Variants in UGT3A1 observed in about 807,000 individuals in gnomAD.
UGT3A1 encodes UDP glycosyltransferase family 3 member A1.
In UGT3A1, 40 loss-of-function variants were observed where a neutral mutation model predicts 37.6. That is an observed-to-expected ratio of 1.06 (90% CI 0.83 to 1.38). The LOEUF is 1.38. Among genes scored for constraint, UGT3A1 ranks in the 40% most tolerant of loss-of-function variants. UGT3A1 has a pLI of 0.00. For synonymous variants in UGT3A1, 256 were observed against 232.3 expected (o/e 1.10, Z -0.93); for missense variants, 642 against 634.2 (o/e 1.01, Z -0.13).
Position 35,952,698 on chromosome 5 carries a change from T to C in UGT3A1, c.*1504A>G, listed in dbSNP as rs1001384127. On this transcript the variant is annotated 3_prime_UTR_variant, in exon 7 of 7. Coordinates refer to ENST00000274278, the MANE Select transcript of UGT3A1 (RefSeq NM_152404.4). Reference sequence around the variant, plus strand: ...GGGAAGCATCCATGTCTGCCCTTCATGGGAGTATGGCCATCAATCAATTCA... The same window carrying C: ...GGGAAGCATCCATGTCTGCCCTTCACGGGAGTATGGCCATCAATCAATTCA... 6.6e-6 allele frequency: 1 copy of C among 152,192 alleles called. No individual in the cohort carries two copies. The highest frequency in any genetic ancestry group is 1.5e-5 in the Non-Finnish European group (1 of 68,042). The allele number at this position is 152,192 out of a possible 1,614,324, so 9.4% of individuals were successfully genotyped here. A position where few individuals can be genotyped will look rare whatever the true frequency, so the allele number is the denominator to read the frequency against.
Position 35,991,357 on chromosome 5 carries a change from A to G in UGT3A1, c.-117T>C, listed in dbSNP as rs1740946883. 1 of 1,515,510 alleles carries G rather than the reference A, an allele frequency of 6.6e-7. No homozygotes were observed. Among genetic ancestry groups the G allele is most frequent in the Non-Finnish European group, 8.8e-7 (1 of 1,133,908 alleles). 93.9% of individuals were successfully genotyped at this position (1,515,510 alleles called of 1,614,324 possible). ...ACTGGCTGTGGGCCTAGGAAGAGGTAGGAGACGGATCCTGCCAATTCTCTC... is the reference window on the plus strand; with the variant it reads ...ACTGGCTGTGGGCCTAGGAAGAGGTGGGAGACGGATCCTGCCAATTCTCTC... On this transcript the variant is annotated 5_prime_UTR_variant, in exon 1 of 7. Transcript: ENST00000274278.
chr5:35,991,349 G>A lies in UGT3A1; in HGVS notation c.-109C>T. On this transcript the variant is annotated 5_prime_UTR_variant, in exon 1 of 7. Transcript: ENST00000274278. ...CCAAAGGCACTGGCTGTGGGCCTAG[G>A]AAGAGGTAGGAGACGGATCCTGCCA... The A allele has an allele frequency of 6.5e-7, 1 of 1,532,612 alleles. No homozygotes were observed. Among genetic ancestry groups the A allele is most frequent in the Non-Finnish European group, 8.8e-7 (1 of 1,141,874 alleles). 94.9% of individuals were successfully genotyped at this position (1,532,612 alleles called of 1,614,324 possible). A position where few individuals can be genotyped will look rare whatever the true frequency, so the allele number is the denominator to read the frequency against.
At chr5:35,993,381 T>A (rs1393352090), upstream of UGT3A1, among the ~76,000 whole-genome samples, 1 of 151,504 alleles carries the variant, frequency 6.6e-6, no homozygotes, top group East Asian at 2.0e-4. Flanking sequence ...GGAGAATCGC[T>A]GGAACCCAGG....
chr5:35,963,845 A>C (rs1487775000), intron 4 of UGT3A1, among the ~76,000 whole-genome samples: 2 of 152,188 alleles, frequency 1.3e-5, no homozygotes, highest in Admixed American at 6.5e-5. Flanking sequence ...GGTGCTGTGC[A>C]CTGCTCATGC....
At chr5:35,991,618 A>T, upstream of UGT3A1, 1 of 1,013,266 alleles carries the variant, frequency 9.9e-7, no homozygotes. Flanking sequence ...ATCCCCAAGG[A>T]AACCACCTGT....
chr5:35,975,673 T>A (rs1169202143), intron 2 of UGT3A1, among the ~76,000 whole-genome samples: 1 of 152,182 alleles, frequency 6.6e-6, no homozygotes, highest in East Asian at 1.9e-4. Flanking sequence ...TTTTTTTTTT[T>A]ACTTTTTTTC....
At chr5:35,990,801 G>C (rs1344179215) in intron 1 of UGT3A1, among the ~76,000 whole-genome samples, 1 of 152,178 alleles carries the variant, frequency 6.6e-6, no homozygotes, top group Admixed American at 6.5e-5. Context: ...AGCTTAGGGT[G>C]AGCCTCTGAA....
At chr5:35,993,637 G>C (rs551477220), upstream of UGT3A1, among the ~76,000 whole-genome samples, 2 of 152,070 alleles carry the variant, frequency 1.3e-5, no homozygotes, top group Non-Finnish European at 2.9e-5. Flanking sequence ...CCTGGTGCGC[G>C]TCCTTAACTT....
At chr5:35,955,266 G>A (rs1739306295) in intron 6 of UGT3A1, 1 of 365,130 alleles carries the variant, frequency 2.7e-6, no homozygotes, top group Non-Finnish European at 5.0e-6. Context: ...GAGAAGGGAA[G>A]GGTGTTCTAG....
intron 6 of UGT3A1, 95 bp from the exon 7 acceptor site, chr5:35,954,573 C>T: frequency 6.9e-7 from 1 of 1,451,742 alleles, no homozygotes; most frequent in South Asian, 1.3e-5. Context: ...CATACAAACA[C>T]TTTTCTAACA....
chr5:35,999,643 C>G (rs1554075513), intron 1 of UGT3A1, among the ~76,000 whole-genome samples: 1 of 151,992 alleles, frequency 6.6e-6, no homozygotes, highest in Non-Finnish European at 1.5e-5. Flanking sequence ...AAAATGAAAC[C>G]CTGGTGTAAA....
At chr5:35,985,079 T>TAAAAAAAAAAAAAAAAAA (rs59401195) in intron 2 of UGT3A1, among the ~76,000 whole-genome samples, 34 of 116,024 alleles carry the variant, frequency 2.9e-4, no homozygotes, top group African/African-American at 6.1e-4. Context: ...ACATAAAATA[T>TAAAAAAAAAAAAAAAAAA]AAAAAAAAAA....
At chr5:35,974,832 C>T (rs755052122) in intron 2 of UGT3A1, among the ~76,000 whole-genome samples, 1 of 152,188 alleles carries the variant, frequency 6.6e-6, no homozygotes, top group Non-Finnish European at 1.5e-5. Context: ...AATGCTCCAG[C>T]CCTGTGACAC....
intron 2 of UGT3A1, among the ~76,000 whole-genome samples, chr5:35,996,588 A>T (rs985413121): frequency 6.6e-6 from 1 of 152,198 alleles, no homozygotes; most frequent in African/African-American, 2.4e-5. Flanking sequence ...GGCCCCTGTC[A>T]ATCTTTTGGT....
rs557523129 is a variant in UGT3A1 at position 35,988,471 on chromosome 5, T to A, written c.175A>T (p.Ser59Cys). 6.2e-7 allele frequency: 1 copy of A among 1,607,004 alleles called. No individual in the cohort carries two copies. Among genetic ancestry groups the A allele is most frequent in the South Asian group, 1.1e-5 (1 of 88,910 alleles). The change falls in exon 2 of 7, where the codon AGT becomes TGT. Residue 59 changes from serine (S) to cysteine (C), a missense_variant. Physicochemically the swap from Ser to Cys is moderately radical, Grantham distance 112. Coordinates refer to ENST00000274278, the MANE Select transcript of UGT3A1 (RefSeq NM_152404.4). The part of the protein sequence containing the change: ...HGHNVTMLHQ[S>C]GKFLIPDIKE... ...ATACCTGGGATCAAAAACTTTCCAC[T>A]CTGATGAAGCATAGTCACATTATGA... is the stretch of plus-strand genomic sequence containing the variant.
chr5:35,959,090 AAAACAGTTGAGCAT>A (rs1175002491), intron 4 of UGT3A1, among the ~76,000 whole-genome samples: 1 of 152,198 alleles, frequency 6.6e-6, no homozygotes, highest in African/African-American at 2.4e-5. Context: ...AAGGCATTCA[AAAACAGTTGAGCAT>A]ACAGAGGGAA....
rs1325027446 is a variant in UGT3A1 at position 35,952,109 on chromosome 5, G to A, written c.*2093C>T. The A allele has an allele frequency of 6.6e-6, 1 of 152,198 alleles. No homozygotes were observed. Among genetic ancestry groups the A allele is most frequent in the African/African-American group, 2.4e-5 (1 of 41,450 alleles). The allele number at this position is 152,198 out of a possible 1,614,324, so 9.4% of individuals were successfully genotyped here. A position where few individuals can be genotyped will look rare whatever the true frequency, so the allele number is the denominator to read the frequency against. The stretch of plus-strand genomic sequence containing the variant: ...TTTCAGGTGTAGTGGTCAGGCACAG[G>A]CTTACCAATGTGAACACAATGACAC... On this transcript the variant is annotated 3_prime_UTR_variant, in exon 7 of 7. Transcript: ENST00000274278.
chr5:35,953,446 GA>G lies in UGT3A1; in HGVS notation c.*755del. The stretch of plus-strand genomic sequence containing the variant: ...GAAGGGTATTAACTGCCATGTCGGG[GA>G]TGGAAGATGGACTTTTTCTAAAATC... On this transcript the variant is annotated 3_prime_UTR_variant, in exon 7 of 7. Transcript: ENST00000274278. The G allele has an allele frequency of 6.6e-6, 1 of 152,470 alleles. No individual in the cohort carries two copies. The highest frequency in any genetic ancestry group is 2.1e-4 in the South Asian group (1 of 4,824). The allele number at this position is 152,470 out of a possible 1,614,324, so 9.4% of individuals were successfully genotyped here.
chr5:35,974,380 G>A (rs1010837318), intron 2 of UGT3A1, among the ~76,000 whole-genome samples: 1 of 152,166 alleles, frequency 6.6e-6, no homozygotes, highest in Non-Finnish European at 1.5e-5. Context: ...GAAGTGTGGA[G>A]TGTAAGCTAG....
Sources: gnomAD v4.1 joint callset for allele counts (sites outside exome capture counted in the v4.1 genomes callset) on GRCh38, gnomAD v4.1.1 for gene constraint, MANE v1.5 for transcripts, NCBI Gene and HGNC (gene_info 2026-07-23, HGNC 2026-07-21) for gene names.